Variants in CRACDL observed in about 807,000 individuals in gnomAD.
The protein encoded by CRACDL is CRACD-like protein.
CRACDL carries 26 observed loss-of-function variants against 70.6 expected under a neutral mutation model. That is an observed-to-expected ratio of 0.37 (90% confidence interval 0.27 to 0.51). The LOEUF (loss-of-function observed/expected upper bound fraction) is 0.51. Among genes scored for constraint, CRACDL ranks in the 20% least tolerant of loss-of-function variants. The pLI, the probability that CRACDL is intolerant of heterozygous loss-of-function variation, is 0.94. For missense variants in CRACDL, 1,283 were observed against 1,376.9 expected, an observed-to-expected ratio of 0.93 and a Z score of 1.08; for synonymous variants, 618 against 615.2, an observed-to-expected ratio of 1.00 and a Z score of -0.07.
Position 98,797,554 on chromosome 2 carries a change from C to A in CRACDL, c.2417-17G>T. On this transcript the variant is annotated splice_polypyrimidine_tract_variant and intron_variant, in intron 7 of 9. Transcript: ENST00000397899. ...GACTCTTTTCTGTTGGGTAAAGGCA[C>A]AAGATTATAGAAACAGTCCTATTCC... is the stretch of plus-strand genomic sequence containing the variant. 1.2e-6 allele frequency: 2 copies of A among 1,612,044 alleles called. No homozygotes were observed. Among genetic ancestry groups the A allele is most frequent in the Non-Finnish European group, 1.7e-6 (2 of 1,179,540 alleles).
At chr2:98,910,922 G>A (rs1195389261) in intron 1 of CRACDL, among the ~76,000 whole-genome samples, 1 of 152,252 alleles carries the variant, frequency 6.6e-6, no homozygotes, top group African/African-American at 2.4e-5. Flanking sequence ...TTACCACTCA[G>A]TAAAAGAGGG....
chr2:98,840,412 C>A (rs1705974824), intron 2 of CRACDL, among the ~76,000 whole-genome samples: 1 of 152,100 alleles, frequency 6.6e-6, no homozygotes, highest in African/African-American at 2.4e-5. Context: ...TGCTTTATGG[C>A]TTACCATATG....
chr2:98,802,318 C>T (rs1704114588), intron 7 of CRACDL, among the ~76,000 whole-genome samples: 1 of 152,248 alleles, frequency 6.6e-6, no homozygotes, highest in South Asian at 2.1e-4. Context: ...CTGTGTGTTA[C>T]AGCGAGCCTG....
In CRACDL at chr2:98,797,346, G is replaced by A. The variant is rs1471905501; in HGVS notation, c.2604+4C>T. On this transcript the variant is annotated splice_donor_region_variant and intron_variant, in intron 8 of 9. Coordinates refer to ENST00000397899, the MANE Select transcript of CRACDL (RefSeq NM_207362.3). ...CACAGAACAGAAGTATTTGCTCTAA[G>A]CACCTGGCCTCTCTCGGGCACCTTG... 6.2e-7 allele frequency: 1 copy of A among 1,613,862 alleles called. No homozygotes were observed. The highest frequency in any genetic ancestry group is 1.3e-5 in the African/African-American group (1 of 74,934).
chr2:98,800,178 G>A (rs1704013140), intron 7 of CRACDL, among the ~76,000 whole-genome samples: 1 of 152,196 alleles, frequency 6.6e-6, no homozygotes. Context: ...AAAGCTCAAA[G>A]TCTAGTTGGG....
At chr2:98,872,280 C>T (rs1303908882) in intron 1 of CRACDL, among the ~76,000 whole-genome samples, 1 of 152,188 alleles carries the variant, frequency 6.6e-6, no homozygotes, top group Non-Finnish European at 1.5e-5. Context: ...ATTGCTTGAA[C>T]CCTGGAGGAG....
At chr2:98,845,906 A>T (rs1019625817) in intron 2 of CRACDL, among the ~76,000 whole-genome samples, 1 of 152,224 alleles carries the variant, frequency 6.6e-6, no homozygotes, top group African/African-American at 2.4e-5. Flanking sequence ...TATCTTTAAT[A>T]TCTGAAATGG....
chr2:98,842,609 C>T lies in CRACDL; in HGVS notation c.70+4122G>A, dbSNP rs556551799. On this transcript the variant is annotated intron_variant, in intron 2 of 9. Coordinates refer to ENST00000397899, the MANE Select transcript of CRACDL (RefSeq NM_207362.3). ...CCCCTGGCAACCACTTATAACTTCT[C>T]TGTTCCTATAATTTTGCCTTTTCTA... 9.2e-5 allele frequency among the ~76,000 whole-genome samples: 14 copies of T among 152,258 alleles called. No individual in the cohort carries two copies. The East Asian group carries it at 1.9e-3, about 21-fold the overall frequency.
intron 1 of CRACDL, among the ~76,000 whole-genome samples, 191 bp from the exon 2 acceptor site, chr2:98,847,001 C>A (rs1573060476): frequency 6.6e-6 from 1 of 152,198 alleles, no homozygotes; most frequent in South Asian, 2.1e-4. Flanking sequence ...ACCGCATAAG[C>A]GTTTAATCAC....
chr2:98,839,552 C>T (rs1371932011), intron 2 of CRACDL, among the ~76,000 whole-genome samples: 1 of 152,204 alleles, frequency 6.6e-6, no homozygotes, highest in Non-Finnish European at 1.5e-5. Flanking sequence ...AAAAATGCTG[C>T]TTACAGCATT....
intron 3 of CRACDL, among the ~76,000 whole-genome samples, chr2:98,837,542 A>G (rs1172135111): frequency 6.6e-6 from 1 of 152,206 alleles, no homozygotes; most frequent in East Asian, 1.9e-4. Flanking sequence ...TAACTGCAGC[A>G]TATGTACTGT....
chr2:98,911,113 C>G (rs1029549120), intron 1 of CRACDL, among the ~76,000 whole-genome samples: 1 of 152,162 alleles, frequency 6.6e-6, no homozygotes, highest in Admixed American at 6.5e-5. Context: ...GGTGAGAGAC[C>G]CCCACGCCCG....
chr2:98,899,256 G>T (rs1342160555), intron 1 of CRACDL, among the ~76,000 whole-genome samples: 1 of 152,198 alleles, frequency 6.6e-6, no homozygotes, highest in East Asian at 1.9e-4. Flanking sequence ...CCACACAAAG[G>T]GGTGACACAA....
intron 1 of CRACDL, chr2:98,908,364 A>T (rs549709298): frequency 4.6e-5 from 7 of 152,402 alleles, no homozygotes; most frequent in African/African-American, 1.4e-4. Context: ...ATGCCATTCC[A>T]TGTCAACCCT....
At chr2:98,827,817 C>T (rs1386374048) in intron 5 of CRACDL, among the ~76,000 whole-genome samples, 2 of 152,112 alleles carry the variant, frequency 1.3e-5, no homozygotes, top group Non-Finnish European at 2.9e-5. Flanking sequence ...CTGATTTGTC[C>T]AAGGGCACAG....
At chr2:98,826,062 C>T (rs1424152318) in intron 6 of CRACDL, among the ~76,000 whole-genome samples, 1 of 152,146 alleles carries the variant, frequency 6.6e-6, no homozygotes, top group Non-Finnish European at 1.5e-5. Context: ...GGTCCCCACT[C>T]CAGGGGGGAC....
At position 98,823,928 on chromosome 2, in the gene CRACDL, G is replaced by T. The variant is rs1575351999; in HGVS notation, c.736-391C>A. On this transcript the variant is annotated intron_variant, in intron 6 of 9. Transcript: ENST00000397899. This position sits in a 1 kb window ranked among gnomAD's most constrained non-coding sequence, Gnocchi z 4.0. ...AGGAAGGGATGATGAGTCCCTTTTTGCACTTGAGAGCCAGGAACTCAGAGA... is the reference window on the plus strand; with the variant it reads ...AGGAAGGGATGATGAGTCCCTTTTTTCACTTGAGAGCCAGGAACTCAGAGA... 4.6e-5 allele frequency among the ~76,000 whole-genome samples: 7 copies of T among 152,028 alleles called. No individual in the cohort carries two copies. The South Asian group carries it at 1.2e-3, about 27-fold the overall frequency.
intron 6 of CRACDL, among the ~76,000 whole-genome samples, chr2:98,824,864 G>T (rs1386940437): frequency 2.6e-5 from 4 of 152,198 alleles, no homozygotes; most frequent in African/African-American, 4.8e-5. Flanking sequence ...GAGGCACAAA[G>T]AAAGCTACAG....
chr2:98,935,973 C>A lies in CRACDL; in HGVS notation c.-46G>T, dbSNP rs1462660832. 1.3e-5 allele frequency: 2 copies of A among 152,154 alleles called. No homozygotes were observed. The highest frequency in any genetic ancestry group is 2.9e-5 in the Non-Finnish European group (2 of 68,024). The allele number at this position is 152,154 out of a possible 1,614,324, so 9.4% of individuals were successfully genotyped here. On this transcript the variant is annotated 5_prime_UTR_variant, in exon 1 of 10. Coordinates refer to ENST00000397899, the MANE Select transcript of CRACDL (RefSeq NM_207362.3). ...AGCGTGGCCCGGGCTCGGCGAGACG[C>A]GCAGAGAAGGGCACCTTCCGCGGGG...
Sources: allele counts gnomAD v4.1 joint callset (sites outside exome capture counted in the v4.1 genomes callset), GRCh38; gene constraint gnomAD v4.1.1; non-coding constraint Gnocchi (gnomAD v3.1); transcripts MANE v1.5; gene names NCBI Gene and HGNC (gene_info 2026-07-23, HGNC 2026-07-21).